Variants in CYP1A2 observed in about 807,000 individuals in gnomAD.
The protein encoded by CYP1A2 is cytochrome P450 family 1 subfamily A member 2, also known as cytochrome P450 1A2.
Under a neutral mutation model 34.7 loss-of-function variants are expected in CYP1A2, and 35 were observed. The ratio of observed to expected loss-of-function variants is 1.01; its 90% CI spans 0.77 to 1.34. The LOEUF is 1.34. Ranked by LOEUF, CYP1A2 falls within the 40% of genes most tolerant of loss-of-function variation. CYP1A2 has a pLI of 0.00. For synonymous variants in CYP1A2, 288 were observed against 281.9 expected (o/e 1.02, Z -0.22); for missense variants, 675 against 675.8 (o/e 1.00, Z 0.01).
At position 74,749,390 on chromosome 15, in the gene CYP1A2, C is replaced by G. The variant is rs17861149; in HGVS notation, c.-9-340C>G. 3.8e-3 allele frequency among the ~76,000 whole-genome samples: 576 copies of G among 152,296 alleles called. 7 individuals are homozygous for G. The highest frequency in any genetic ancestry group is 0.013 in the African/African-American group (542 of 41,556). ...TACAATACCCAGCATGCATGCTGTG[C>G]CAGGGGCTGACAAGGGTGCTGTCCT... On this transcript the variant is annotated intron_variant, in intron 1 of 6. Transcript: ENST00000343932.
chr15:74,751,834 G>A lies in CYP1A2; in HGVS notation c.1022G>A (p.Arg341Lys). 1 of 1,614,112 alleles carries A rather than the reference G, an allele frequency of 6.2e-7. No individual in the cohort carries two copies. Among genetic ancestry groups the A allele is most frequent in the Non-Finnish European group, 8.5e-7 (1 of 1,180,008 alleles). ...MYLVTKPEIQRKIQKELDTVI... is the reference protein window; with the variant it reads ...MYLVTKPEIQKKIQKELDTVI... The stretch of plus-strand genomic sequence containing the variant: ...CTTGTGACCAAGCCTGAGATACAGA[G>A]GAAGATCCAGAAGGAGCTGGGTACA... Residue 341 changes from arginine to lysine, a missense_variant, in exon 4 of 7, where the codon AGG (arginine) becomes AAG (lysine). Transcript: ENST00000343932.
In CYP1A2 at chr15:74,752,167, AC is replaced by A; in HGVS notation, c.1090del (p.Gln364SerfsTer33). 6.2e-7 allele frequency: 1 copy of A among 1,613,814 alleles called. No individual in the cohort carries two copies. Among genetic ancestry groups the A allele is most frequent in the Non-Finnish European group, 8.5e-7 (1 of 1,179,918 alleles). ...AGCGGCGGCCCCGGCTCTCTGACAG[AC>A]CCCAGCTGCCCTACTTGGAGGCCTT... is the stretch of plus-strand genomic sequence containing the variant. The part of the protein sequence containing the change: ...RERRPRLSDR[P>X]QLPYLEAFIL... On this transcript the variant is annotated frameshift_variant, in exon 5 of 7. Coordinates refer to ENST00000343932, the MANE Select transcript of CYP1A2 (RefSeq NM_000761.5). LOFTEE classifies it high-confidence loss of function.
At position 74,755,086 on chromosome 15, in the gene CYP1A2, T is replaced by C. The variant is rs1171948620; in HGVS notation, c.1549T>C (p.Ter517ArgextTer29). 1.2e-6 allele frequency: 2 copies of C among 1,601,508 alleles called. No individual in the cohort carries two copies. Among genetic ancestry groups the C allele is most frequent in the Admixed American group, 3.3e-5 (2 of 59,900 alleles). Residue 517 changes from the stop codon to arginine, a stop_lost, in exon 7 of 7, where the codon TGA becomes CGA. Coordinates refer to ENST00000343932, the MANE Select transcript of CYP1A2 (RefSeq NM_000761.5). ...GGCGCGGCTGCGCTTCTCCATCAAT[T>C]GAAGAAGACACCACCATTCTGAGGC... Reference protein sequence around the residue: ...VQARLRFSIN* With the variant: ...VQARLRFSINR
intron 6 of CYP1A2, among the ~76,000 whole-genome samples, chr15:74,753,733 CAAAA>C (rs34240703): frequency 4.6e-5 from 6 of 129,358 alleles, no homozygotes; most frequent in Admixed American, 7.8e-5. Flanking sequence ...GACTCTGCCT[CAAAA>C]AAAAAAAAAA....
intron 4 of CYP1A2, 81 bp from the exon 5 acceptor site, chr15:74,752,043 G>C (rs1419094770): frequency 3.2e-6 from 5 of 1,585,770 alleles, no homozygotes; most frequent in Admixed American, 3.5e-5. Flanking sequence ...TTACATAAGA[G>C]TGACATGGGG....
chr15:74,753,337 C>A, intron 6 of CYP1A2, 67 bp downstream of exon 6: 1 of 1,286,822 alleles, frequency 7.8e-7, no homozygotes, highest in Non-Finnish European at 1.1e-6. Context: ...TTTGTCCCTG[C>A]TAGGAACTGT....
chr15:74,752,102 G>T (rs776247561), intron 4 of CYP1A2, 22 bp from the exon 5 acceptor site: 11 of 1,613,468 alleles, frequency 6.8e-6, no homozygotes, highest in Non-Finnish European at 9.3e-6. Context: ...CCTGAGCTCT[G>T]CTTGTCCTCT....
rs145266863 is a variant in CYP1A2, at chr15:74,750,036, C to T, written c.298C>T (p.Arg100Trp). 4.1e-5 allele frequency: 66 copies of T among 1,613,916 alleles called. No individual in the cohort carries two copies. Among genetic ancestry groups the T allele is most frequent in the African/African-American group, 2.0e-4 (15 of 74,914 alleles). ...GGACACCATCCGGCAGGCCCTGGTG[C>T]GGCAGGGCGACGATTTCAAGGGCCG... ...RLDTIRQALV[R>W]QGDDFKGRPD... Residue 100 changes from arginine (R) to tryptophan (W), a missense_variant, in exon 2 of 7, where the codon CGG (arginine) becomes TGG (tryptophan). Coordinates refer to ENST00000343932, the MANE Select transcript of CYP1A2 (RefSeq NM_000761.5).
At chr15:74,753,063 C>A in intron 5 of CYP1A2, 121 bp from the exon 6 acceptor site, 1 of 660,480 alleles carries the variant, frequency 1.5e-6, no homozygotes. Context: ...TTCCTCCCCT[C>A]CCCTCCCAGT....
chr15:74,752,392 C>G, intron 5 of CYP1A2, 145 bp downstream of exon 5: 1 of 1,177,692 alleles, frequency 8.5e-7, no homozygotes, highest in Non-Finnish European at 1.2e-6. Flanking sequence ...CCCATCCAGT[C>G]CAAACATAAT....
In CYP1A2 at chr15:74,755,799, C is replaced by T. The variant is rs1054526251; in HGVS notation, c.*711C>T. ...GACTTCTAGTGTAGAATTGTGCAAC[C>T]ATCACCAGAATTAATTTTATTATTC... On this transcript the variant is annotated 3_prime_UTR_variant, in exon 7 of 7. Coordinates refer to ENST00000343932, the MANE Select transcript of CYP1A2 (RefSeq NM_000761.5). 4 of 151,890 alleles carry T rather than the reference C, an allele frequency of 2.6e-5. No individual in the cohort carries two copies. The highest frequency in any genetic ancestry group is 9.7e-5 in the African/African-American group (4 of 41,342). 9.4% of individuals were successfully genotyped at this position (151,890 alleles called of 1,614,324 possible).
chr15:74,749,928 G>A lies in CYP1A2; in HGVS notation c.190G>A (p.Ala64Thr), dbSNP rs753312654. Residue 64 changes from alanine to threonine, a missense_variant, in exon 2 of 7, where the codon GCA becomes ACA. Physicochemically the swap from Ala to Thr is moderately conservative, Grantham distance 58. Transcript: ENST00000343932. ...VLTLGKNPHL[A>T]LSRMSQRYGD... is the part of the protein sequence containing the mutation. ...GACCCTGGGGAAGAACCCGCACCTG[G>A]CACTGTCAAGGATGAGCCAGCGCTA... 1.4e-5 allele frequency: 22 copies of A among 1,611,254 alleles called. No homozygotes were observed. Among genetic ancestry groups the A allele is most frequent in the Non-Finnish European group, 1.8e-5 (21 of 1,177,846 alleles).
At chr15:74,753,673 G>A (rs1295402994) in intron 6 of CYP1A2, among the ~76,000 whole-genome samples, 14 of 151,512 alleles carry the variant, frequency 9.2e-5, no homozygotes, top group Admixed American at 9.2e-4. Context: ...GGTAGAGGCT[G>A]CAGTGAGCCG....
intron 6 of CYP1A2, among the ~76,000 whole-genome samples, chr15:74,754,462 C>G (rs1020173502): frequency 6.7e-6 from 1 of 149,918 alleles, no homozygotes; most frequent in Non-Finnish European, 1.5e-5. Context: ...AAAAATTAGC[C>G]GGATATGGTG....
At position 74,750,197 on chromosome 15, in the gene CYP1A2, A is replaced by G. The variant is rs762845440; in HGVS notation, c.459A>G (p.Pro153=). Residue 153 remains proline, a synonymous_variant, in exon 2 of 7, where the codon CCA becomes CCG. Coordinates refer to ENST00000343932, the MANE Select transcript of CYP1A2 (RefSeq NM_000761.5). ...ACACCTTCTCCATCGCCTCTGACCC[A>G]GCTTCCTCATCCTCCTGCTACCTGG... ...ALNTFSIASD[P]ASSSSCYLEE... 4.0e-5 allele frequency: 65 copies of G among 1,613,978 alleles called. No individual in the cohort carries two copies. The highest frequency in any genetic ancestry group is 5.3e-5 in the Non-Finnish European group (62 of 1,180,024).
At position 74,755,467 on chromosome 15, in the gene CYP1A2, A is replaced by ATTTTTTTT. The variant is rs2063334620; in HGVS notation, c.*379_*380insTTTTTTTT. 1 of 128,996 alleles carries ATTTTTTTT rather than the reference A, an allele frequency of 7.8e-6. No homozygotes were observed. The highest frequency in any genetic ancestry group is 1.7e-5 in the Non-Finnish European group (1 of 60,338). The allele number at this position is 128,996 out of a possible 1,614,324, so 8.0% of individuals were successfully genotyped here. A position where few individuals can be genotyped will look rare whatever the true frequency, so the allele number is the denominator to read the frequency against. On this transcript the variant is annotated 3_prime_UTR_variant, in exon 7 of 7. Transcript: ENST00000343932. Reference sequence around the variant, plus strand: ...CACCTTCTTTTTTTTTTTTTGTCTGAGACAGAATCTCAGTCTGTCACCCAG... The same window carrying ATTTTTTTT: ...CACCTTCTTTTTTTTTTTTTGTCTGATTTTTTTTGACAGAATCTCAGTCTGTCACCCAG...
In CYP1A2 at chr15:74,749,972, C is replaced by T. The variant is rs768580870; in HGVS notation, c.234C>T (p.Ile78=). 6.2e-7 allele frequency: 1 copy of T among 1,614,084 alleles called. No individual in the cohort carries two copies. Among genetic ancestry groups the T allele is most frequent in the Non-Finnish European group, 8.5e-7 (1 of 1,179,980 alleles). ...MSQRYGDVLQ[I]RIGSTPVLVL... ...AGCGCTACGGGGACGTCCTGCAGAT[C>T]CGCATTGGCTCCACGCCCGTGCTGG... The change falls in exon 2 of 7, where the codon ATC becomes ATT. Residue 78 remains isoleucine, a synonymous_variant. Coordinates refer to ENST00000343932, the MANE Select transcript of CYP1A2 (RefSeq NM_000761.5).
rs527553740 is a variant in CYP1A2, at chr15:74,751,173, G to A, written c.832-16G>A. The A allele has an allele frequency of 1.9e-6, 3 of 1,613,734 alleles. No individual in the cohort carries two copies. Among genetic ancestry groups the A allele is most frequent in the East Asian group, 4.5e-5 (2 of 44,884 alleles). ...TTGGAAGTGCCAGAGGTGCCCCTAA[G>A]CTTGTGCCCCCTCAGAACAGTGTCC... is the stretch of plus-strand genomic sequence containing the variant. On this transcript the variant is annotated splice_polypyrimidine_tract_variant and intron_variant, in intron 2 of 6. Coordinates refer to ENST00000343932, the MANE Select transcript of CYP1A2 (RefSeq NM_000761.5).
At position 74,751,872 on chromosome 15, in the gene CYP1A2, ACCCTATAG is replaced by A. The variant is rs774462777; in HGVS notation, c.1042+21_1042+28del. The A allele has an allele frequency of 3.9e-5, 63 of 1,611,796 alleles. No individual in the cohort carries two copies. Among genetic ancestry groups the A allele is most frequent in the Non-Finnish European group, 5.2e-5 (61 of 1,179,092 alleles). The stretch of plus-strand genomic sequence containing the variant: ...GGAGCTGGGTACATGGGGGCCCCCA[ACCCTATAG>A]CCAGGAGAAGCCTTGAGACCCAGGT... On this transcript the variant is annotated intron_variant, in intron 4 of 6. Coordinates refer to ENST00000343932, the MANE Select transcript of CYP1A2 (RefSeq NM_000761.5).
Sources: allele counts gnomAD v4.1 joint callset (sites outside exome capture counted in the v4.1 genomes callset), GRCh38; gene constraint gnomAD v4.1.1; transcripts MANE v1.5; gene names NCBI Gene and HGNC (gene_info 2026-07-23, HGNC 2026-07-21).